The following NRG3 variants were observed in gnomAD, a reference collection of about 807,000 sequenced individuals.
NRG3 encodes neuregulin 3.
NRG3 carries 31 observed loss-of-function variants against 66.9 expected under a neutral mutation model. The ratio of observed to expected loss-of-function variants is 0.46; its 90% CI spans 0.35 to 0.63. NRG3 has a LOEUF of 0.63. NRG3 is among the 20% of genes least tolerant of loss of function. The pLI, the probability that NRG3 is intolerant of heterozygous loss-of-function variation, is 0.00. For missense variants in NRG3, 910 were observed against 878.9 expected (o/e 1.04, Z -0.45); for synonymous variants, 393 against 359.4 (o/e 1.09, Z -1.06).
intron 4 of NRG3, among the ~76,000 whole-genome samples, chr10:82,939,928 T>C (rs1242156673): frequency 6.6e-6 from 1 of 151,658 alleles, no homozygotes; most frequent in Non-Finnish European, 1.5e-5. Flanking sequence ...TAAATGTCCT[T>C]AGACATCCAG....
At chr10:82,385,764 A>T (rs1376243826) in intron 2 of NRG3, among the ~76,000 whole-genome samples, 2 of 152,186 alleles carry the variant, frequency 1.3e-5, no homozygotes, top group Admixed American at 6.5e-5. Context: ...AATATTTAGT[A>T]AGGTGTGTTT....
intron 2 of NRG3, among the ~76,000 whole-genome samples, chr10:82,677,299 C>T (rs1189218931): frequency 6.6e-6 from 1 of 152,018 alleles, no homozygotes; most frequent in African/African-American, 2.4e-5. Flanking sequence ...CCTCAGCCTC[C>T]TAAACTGTTG....
chr10:82,759,582 C>T (rs2059221773), intron 3 of NRG3, among the ~76,000 whole-genome samples: 1 of 152,128 alleles, frequency 6.6e-6, no homozygotes, highest in Admixed American at 6.6e-5. Context: ...AAACCAATCA[C>T]ATCACTGAGA....
intron 2 of NRG3, among the ~76,000 whole-genome samples, chr10:82,481,199 C>G (rs1313649870): frequency 6.6e-6 from 1 of 152,180 alleles, no homozygotes; most frequent in Non-Finnish European, 1.5e-5. Context: ...TTTTATTTCT[C>G]TATCATATTT....
chr10:82,207,424 G>A (rs2075174056), intron 1 of NRG3, among the ~76,000 whole-genome samples: 1 of 152,092 alleles, frequency 6.6e-6, no homozygotes, highest in Admixed American at 6.6e-5. Flanking sequence ...TATGCATAAC[G>A]TGGGATGAAT....
intron 2 of NRG3, among the ~76,000 whole-genome samples, chr10:82,611,792 G>A (rs1396907757): frequency 6.6e-6 from 1 of 152,110 alleles, no homozygotes; most frequent in African/African-American, 2.4e-5. Flanking sequence ...CCAGTAATAG[G>A]ATCACTGGGT....
intron 2 of NRG3, among the ~76,000 whole-genome samples, chr10:82,377,910 G>T (rs1428093851): frequency 6.6e-6 from 1 of 152,182 alleles, no homozygotes; most frequent in Non-Finnish European, 1.5e-5. Context: ...TGTGGCAAAT[G>T]CTACAGTAAA....
chr10:82,819,901 T>C (rs1591623249), intron 3 of NRG3, among the ~76,000 whole-genome samples: 1 of 152,096 alleles, frequency 6.6e-6, no homozygotes, highest in African/African-American at 2.4e-5. Context: ...GTGAAAAGCA[T>C]CCTCCATGGA....
intron 1 of NRG3, among the ~76,000 whole-genome samples, chr10:82,242,219 G>A (rs1453938993): frequency 6.6e-6 from 1 of 152,074 alleles, no homozygotes; most frequent in African/African-American, 2.4e-5. Context: ...TTCAATCGTG[G>A]ATGCCCCCCA....
intron 1 of NRG3, among the ~76,000 whole-genome samples, chr10:82,048,799 A>C (rs546579956): frequency 6.6e-6 from 1 of 151,636 alleles, no homozygotes; most frequent in Admixed American, 6.6e-5. Context: ...CAAAAAATTA[A>C]TGAATCCAGG....
chr10:82,291,814 T>C (rs922893034), intron 1 of NRG3, among the ~76,000 whole-genome samples: 7 of 152,090 alleles, frequency 4.6e-5, no homozygotes, highest in African/African-American at 1.7e-4. Flanking sequence ...CCTCACACCT[T>C]ATATAAAAAT....
intron 1 of NRG3, among the ~76,000 whole-genome samples, chr10:82,138,970 C>G (rs1267760342): frequency 6.6e-6 from 1 of 152,152 alleles, no homozygotes; most frequent in African/African-American, 2.4e-5. Flanking sequence ...AAATGTTAAT[C>G]TCCTTTGGCA....
intron 1 of NRG3, among the ~76,000 whole-genome samples, chr10:81,940,069 A>G (rs1848274296): frequency 6.6e-6 from 1 of 151,878 alleles, no homozygotes; most frequent in Admixed American, 6.6e-5. Context: ...CTATTTGTGA[A>G]TTTTCCAGTT....
intron 2 of NRG3, among the ~76,000 whole-genome samples, chr10:82,534,315 G>A (rs1256138085): frequency 2.6e-5 from 4 of 151,774 alleles, no homozygotes; most frequent in South Asian, 2.1e-4. Context: ...AGGCTGGAGG[G>A]CAGTGATGCA....
intron 2 of NRG3, among the ~76,000 whole-genome samples, chr10:82,676,492 GT>G (rs1164076536): frequency 6.6e-6 from 1 of 151,582 alleles, no homozygotes; most frequent in Admixed American, 6.6e-5. Flanking sequence ...TTTTTTGTTT[GT>G]TTTTTTTCAA....
At chr10:82,827,070 C>A in intron 3 of NRG3, 1 of 309,666 alleles carries the variant, frequency 3.2e-6, no homozygotes, top group South Asian at 2.6e-5. Flanking sequence ...TTACACTTTT[C>A]ATTTCATATC....
intron 2 of NRG3, among the ~76,000 whole-genome samples, chr10:82,571,410 G>A (rs2045728841): frequency 6.6e-6 from 1 of 151,578 alleles, no homozygotes; most frequent in Admixed American, 6.6e-5. Flanking sequence ...TTTCATCTAG[G>A]TTATGGAGCA....
At chr10:82,301,053 C>A (rs879549504) in intron 1 of NRG3, among the ~76,000 whole-genome samples, 7 of 152,060 alleles carry the variant, frequency 4.6e-5, no homozygotes, top group Non-Finnish European at 7.4e-5. Flanking sequence ...ATTAAATGTG[C>A]ATTAAAATAT....
At chr10:82,064,471 G>A (rs1343105873) in intron 1 of NRG3, among the ~76,000 whole-genome samples, 2 of 151,854 alleles carry the variant, frequency 1.3e-5, no homozygotes, top group African/African-American at 4.8e-5. Context: ...TATAAAGAAA[G>A]CATGAAGCCT....
Sources: gnomAD v4.1 joint callset for allele counts (sites outside exome capture counted in the v4.1 genomes callset) on GRCh38, gnomAD v4.1.1 for gene constraint, MANE v1.5 for transcripts, NCBI Gene and HGNC (gene_info 2026-07-23, HGNC 2026-07-21) for gene names.